PACRG: variants seen among roughly 807,000 people sequenced by gnomAD.
PACRG encodes parkin coregulated gene protein.
Under a neutral mutation model 29.7 loss-of-function variants are expected in PACRG, and 29 were observed. The observed-to-expected ratio is 0.98, with a 90% CI of 0.73 to 1.33. PACRG has a LOEUF of 1.33. PACRG is among the 40% of genes most tolerant of loss of function. PACRG has a pLI of 0.00. For missense variants in PACRG, 279 were observed against 316.2 expected (o/e 0.88, Z 0.89); for synonymous variants, 116 against 118.7 (o/e 0.98, Z 0.15).
chr6:162,797,684 G>A (rs969016022), intron 1 of PACRG, among the ~76,000 whole-genome samples: 4 of 151,776 alleles, frequency 2.6e-5, no homozygotes, highest in Non-Finnish European at 5.9e-5. Flanking sequence ...TTTTTGGGGG[G>A]GACTTCAATT....
intron 4 of PACRG, among the ~76,000 whole-genome samples, chr6:163,286,332 A>T (rs1405152512): frequency 6.6e-6 from 1 of 152,226 alleles, no homozygotes; most frequent in Non-Finnish European, 1.5e-5. Context: ...TATTATTGAT[A>T]CATAAAGTGG....
At chr6:163,026,708 C>T (rs1018659965) in intron 2 of PACRG, among the ~76,000 whole-genome samples, 1 of 152,178 alleles carries the variant, frequency 6.6e-6, no homozygotes, top group African/African-American at 2.4e-5. Flanking sequence ...TTATGCCCAT[C>T]CTGTGCCAAG....
intron 4 of PACRG, among the ~76,000 whole-genome samples, chr6:163,150,535 C>A (rs1562940264): frequency 6.6e-6 from 1 of 152,232 alleles, no homozygotes; most frequent in Non-Finnish European, 1.5e-5. Flanking sequence ...TCCCTCCTGT[C>A]CCCCAGCCAT....
intron 3 of PACRG, among the ~76,000 whole-genome samples, chr6:163,072,793 A>G (rs1470812497): frequency 1.3e-5 from 2 of 152,200 alleles, no homozygotes; most frequent in Non-Finnish European, 2.9e-5. Flanking sequence ...AAAAATCATT[A>G]GCATTTCCAT....
At chr6:162,871,987 T>G (rs1052550368) in intron 2 of PACRG, among the ~76,000 whole-genome samples, 6 of 152,222 alleles carry the variant, frequency 3.9e-5, no homozygotes, top group Non-Finnish European at 8.8e-5. Flanking sequence ...TAGAATATTT[T>G]AAATTCTTCC....
intron 4 of PACRG, among the ~76,000 whole-genome samples, chr6:163,300,631 G>A (rs928273622): frequency 5.3e-5 from 8 of 152,170 alleles, no homozygotes; most frequent in African/African-American, 1.9e-4. Context: ...ACATAAATTG[G>A]AATTATAACA....
chr6:162,877,942 A>G (rs1209335384), intron 2 of PACRG, among the ~76,000 whole-genome samples: 1 of 152,214 alleles, frequency 6.6e-6, no homozygotes, highest in East Asian at 1.9e-4. Flanking sequence ...CACCATGGTA[A>G]CTAAGTTGAG....
intron 1 of PACRG, among the ~76,000 whole-genome samples, chr6:162,729,223 G>C (rs911190634): frequency 2.6e-5 from 4 of 152,246 alleles, no homozygotes; most frequent in South Asian, 2.1e-4. Context: ...GTAAGCAACT[G>C]TCTGGGAATG....
intron 4 of PACRG, among the ~76,000 whole-genome samples, chr6:163,144,183 C>T (rs373072173): frequency 2.0e-5 from 3 of 147,418 alleles, no homozygotes; most frequent in African/African-American, 2.5e-5. Context: ...GAACCGAGAT[C>T]GCACCACTGC....
intron 1 of PACRG, among the ~76,000 whole-genome samples, chr6:162,807,252 T>C (rs1786429437): frequency 1.3e-5 from 2 of 152,202 alleles, no homozygotes; most frequent in Non-Finnish European, 2.9e-5. Flanking sequence ...CACTTTCTCA[T>C]TATTCATGTG....
chr6:162,880,236 A>G (rs1388540702), intron 2 of PACRG, among the ~76,000 whole-genome samples: 2 of 152,200 alleles, frequency 1.3e-5, no homozygotes, highest in East Asian at 1.9e-4. Flanking sequence ...TCAATACAGT[A>G]TGGCAAACAT....
chr6:163,089,769 T>C (rs576827230), intron 4 of PACRG, among the ~76,000 whole-genome samples: 1 of 152,364 alleles, frequency 6.6e-6, no homozygotes, highest in South Asian at 2.1e-4. Context: ...TACTTCCTGT[T>C]ACAATTTCAG....
chr6:163,102,570 T>C (rs1290434787), intron 4 of PACRG, among the ~76,000 whole-genome samples: 1 of 152,230 alleles, frequency 6.6e-6, no homozygotes, highest in East Asian at 1.9e-4. Context: ...GTATTTTTTT[T>C]CCAAATCTTT....
intron 2 of PACRG, among the ~76,000 whole-genome samples, chr6:163,004,701 A>AGTGTGTGTGTGTGT (rs374627693): frequency 7.2e-4 from 95 of 131,498 alleles, no homozygotes; most frequent in African/African-American, 3.1e-3. Flanking sequence ...ACAAAGTTCT[A>AGTGTGTGTGTGTGT]GTGTGTGTGT....
intron 4 of PACRG, among the ~76,000 whole-genome samples, chr6:163,156,471 G>A (rs1156914463): frequency 1.3e-5 from 2 of 151,862 alleles, no homozygotes; most frequent in South Asian, 4.2e-4. Flanking sequence ...GTCTCCCTAC[G>A]ACCGCCACGC....
intron 1 of PACRG, among the ~76,000 whole-genome samples, chr6:162,739,751 G>A (rs1425049872): frequency 6.6e-6 from 1 of 151,370 alleles, no homozygotes; most frequent in Non-Finnish European, 1.5e-5. Flanking sequence ...CTGAGGCAGG[G>A]GACTCACTTG....
intron 4 of PACRG, among the ~76,000 whole-genome samples, chr6:163,306,755 A>G (rs1412611981): frequency 1.3e-5 from 2 of 152,232 alleles, no homozygotes; most frequent in African/African-American, 4.8e-5. Flanking sequence ...TTGAAGAATT[A>G]CATAGTTGCT....
intron 2 of PACRG, among the ~76,000 whole-genome samples, chr6:162,972,484 T>G (rs1562792887): frequency 1.3e-5 from 2 of 152,164 alleles, no homozygotes; most frequent in African/African-American, 2.4e-5. Context: ...CCCTCTCTAT[T>G]AAGAACAGTG....
At chr6:162,828,074 T>C (rs1788436841) in intron 2 of PACRG, among the ~76,000 whole-genome samples, 1 of 152,184 alleles carries the variant, frequency 6.6e-6, no homozygotes, top group Non-Finnish European at 1.5e-5. Flanking sequence ...TTTCAAATGA[T>C]TCATTAAAAT....
Sources: gnomAD v4.1 joint callset for allele counts (sites outside exome capture counted in the v4.1 genomes callset) on GRCh38, gnomAD v4.1.1 for gene constraint, MANE v1.5 for transcripts, NCBI Gene and HGNC (gene_info 2026-07-23, HGNC 2026-07-21) for gene names.